ATP6V1E2: variants seen among roughly 807,000 people sequenced by gnomAD.
The protein encoded by ATP6V1E2 is ATPase H+ transporting V1 subunit E2, also known as V-type proton ATPase subunit E 2.
For synonymous variants in ATP6V1E2, 121 were observed against 104.2 expected, an observed-to-expected ratio of 1.16 and a Z score of -0.98; for missense variants, 308 against 273.3, an observed-to-expected ratio of 1.13 and a Z score of -0.90.
intron 4 of ATP6V1E2, among the ~76,000 whole-genome samples, chr2:46,523,010 T>C (rs1490374844): frequency 1.3e-5 from 2 of 152,258 alleles, no homozygotes; most frequent in Non-Finnish European, 2.9e-5. Context: ...CAGCTTTTTT[T>C]CATATGTTCA....
intron 2 of ATP6V1E2, chr2:46,537,615 C>T (rs1377310159): frequency 6.6e-6 from 1 of 151,746 alleles, no homozygotes; most frequent in African/African-American, 2.4e-5. Flanking sequence ...GAGTTCTGAT[C>T]AATTCATGCC....
rs553533018 is a variant in ATP6V1E2, at chr2:46,522,126, A to G, written c.-101-9314T>C. Among the ~76,000 whole-genome samples the G allele has an allele frequency of 4.0e-5, 6 of 151,842 alleles. No individual in the cohort carries two copies. In the South Asian group the frequency reaches 1.3e-3, roughly 32 times the overall value. ...ATCACAGTGGGACCACATCTCTACA[A>G]ATTTTTTTTTTTAATTAGCCAGGAA... On this transcript the variant is annotated intron_variant, in intron 4 of 4. Transcript: ENST00000522587.
Position 46,512,086 on chromosome 2 carries a change from G to A in ATP6V1E2, c.626C>T (p.Pro209Leu). The change falls in exon 5 of 5, where the codon CCA becomes CTA. Residue 209 changes from proline to leucine, a missense_variant. Coordinates refer to ENST00000522587, the MANE Select transcript of ATP6V1E2 (RefSeq NM_001318063.2). The stretch of plus-strand genomic sequence containing the variant: ...ACCAAACAAGGCCATTCGTATTTCT[G>A]GCATCTTTTGCTTGGCTGAGAGATC... The part of the protein sequence containing the change: ...RLDLSAKQKM[P>L]EIRMALFGAN... The A allele has an allele frequency of 6.2e-7, 1 of 1,613,376 alleles. No homozygotes were observed. The highest frequency in any genetic ancestry group is 8.5e-7 in the Non-Finnish European group (1 of 1,179,698).
intron 4 of ATP6V1E2, among the ~76,000 whole-genome samples, chr2:46,522,293 A>C (rs1238762479): frequency 6.6e-6 from 1 of 151,474 alleles, no homozygotes; most frequent in East Asian, 1.9e-4. Flanking sequence ...CCAAAAAAAA[A>C]AAAAGGATAA....
intron 4 of ATP6V1E2, among the ~76,000 whole-genome samples, chr2:46,521,982 G>A (rs374547436): frequency 3.9e-4 from 60 of 152,280 alleles, no homozygotes; most frequent in African/African-American, 1.3e-3. Context: ...GAGCCACTGC[G>A]CCAGGCCCTG....
intron 4 of ATP6V1E2, chr2:46,519,753 A>G (rs1666507808): frequency 6.6e-6 from 1 of 152,248 alleles, no homozygotes; most frequent in African/African-American, 2.4e-5. Context: ...CATGTCTGGT[A>G]GTTATTATTA....
At chr2:46,518,555 C>G (rs1294596284) in intron 4 of ATP6V1E2, among the ~76,000 whole-genome samples, 1 of 148,274 alleles carries the variant, frequency 6.7e-6, no homozygotes, top group African/African-American at 2.5e-5. Context: ...GTACCACTTC[C>G]CAAGCTTGGT....
In ATP6V1E2 at chr2:46,525,469, AAAAAAAAG is replaced by A. The variant is rs1228688814; in HGVS notation, c.-102+10336_-102+10343del. ...AGAACGAGACTCCGTCTCAAAAAAA[AAAAAAAAG>A]AAAAAAAAAAAAGAAAGCAGGGACA... On this transcript the variant is annotated intron_variant, in intron 4 of 4. Coordinates refer to ENST00000522587, the MANE Select transcript of ATP6V1E2 (RefSeq NM_001318063.2). 8.0e-5 allele frequency among the ~76,000 whole-genome samples: 10 copies of A among 124,900 alleles called. 1 individual carries two copies. The highest frequency in any genetic ancestry group is 1.8e-4 in the African/African-American group (6 of 32,982). 81.9% of individuals were successfully genotyped at this position (124,900 alleles called of 152,430 possible).
intron 4 of ATP6V1E2, among the ~76,000 whole-genome samples, chr2:46,515,037 T>C (rs1442838275): frequency 6.6e-6 from 1 of 151,938 alleles, no homozygotes; most frequent in Non-Finnish European, 1.5e-5. Flanking sequence ...TTGGAAAAAC[T>C]GTCCTACAAA....
chr2:46,535,117 G>A lies in ATP6V1E2; in HGVS notation c.-102+696C>T, dbSNP rs1558669673. The A allele has an allele frequency of 6.6e-6, 1 of 152,232 alleles. No homozygotes were observed. Among genetic ancestry groups the A allele is most frequent in the Non-Finnish European group, 1.5e-5 (1 of 68,044 alleles). 9.4% of individuals were successfully genotyped at this position (152,232 alleles called of 1,614,324 possible). On this transcript the variant is annotated intron_variant, in intron 4 of 4. Coordinates refer to ENST00000522587, the MANE Select transcript of ATP6V1E2 (RefSeq NM_001318063.2). The surrounding 1 kb of genome is among the most constrained non-coding windows in gnomAD (Gnocchi z 4.4). ...GCAATTTAGACAGCATTTTTCAGCA[G>A]AAAGTTAGAGTGATAGGGTTTGCCC...
At chr2:46,534,622 T>G (rs1667349407) in intron 4 of ATP6V1E2, 1 of 152,228 alleles carries the variant, frequency 6.6e-6, no homozygotes, top group African/African-American at 2.4e-5. Context: ...CTGTATTTTG[T>G]TGTTTTAAAA....
chr2:46,524,927 G>C (rs536996393), intron 4 of ATP6V1E2, among the ~76,000 whole-genome samples: 19 of 152,278 alleles, frequency 1.2e-4, no homozygotes, highest in Middle Eastern at 3.4e-3. Flanking sequence ...CCCATCAAAG[G>C]CTTCTTAGCA....
chr2:46,515,954 AGAG>A (rs1366089436), intron 4 of ATP6V1E2, among the ~76,000 whole-genome samples: 1 of 152,216 alleles, frequency 6.6e-6, no homozygotes, highest in African/African-American at 2.4e-5. Flanking sequence ...TAATGATAAA[AGAG>A]TCAATTCACC....
intron 4 of ATP6V1E2, among the ~76,000 whole-genome samples, chr2:46,515,741 A>T (rs954220609): frequency 6.6e-6 from 1 of 152,236 alleles, no homozygotes; most frequent in Non-Finnish European, 1.5e-5. Flanking sequence ...GGCTGAATGG[A>T]TTAACAAAAA....
At chr2:46,515,657 ACAGT>A (rs1687681747) in intron 4 of ATP6V1E2, among the ~76,000 whole-genome samples, 3 of 152,326 alleles carry the variant, frequency 2.0e-5, no homozygotes, top group Admixed American at 2.0e-4. Flanking sequence ...ACAAATAGCA[ACAGT>A]CAGTCTTTCT....
intron 4 of ATP6V1E2, among the ~76,000 whole-genome samples, 162 bp from the exon 5 acceptor site, chr2:46,512,974 A>G (rs1572695674): frequency 6.6e-6 from 1 of 152,348 alleles, no homozygotes; most frequent in East Asian, 1.9e-4. Flanking sequence ...GACTTGAACC[A>G]GGATCTCCAG....
chr2:46,529,953 CAG>C (rs1159741764), intron 4 of ATP6V1E2, among the ~76,000 whole-genome samples: 2 of 152,070 alleles, frequency 1.3e-5, no homozygotes, highest in African/African-American at 4.8e-5. Context: ...TCAGGGCACT[CAG>C]GGAGCTCAGG....
intron 4 of ATP6V1E2, among the ~76,000 whole-genome samples, chr2:46,513,948 C>G (rs935127405): frequency 1.3e-5 from 2 of 152,060 alleles, no homozygotes; most frequent in African/African-American, 4.8e-5. Context: ...GAAGTGGTTC[C>G]AAACCCGGAT....
intron 2 of ATP6V1E2, among the ~76,000 whole-genome samples, chr2:46,538,296 G>T (rs1471656164): frequency 6.6e-6 from 1 of 152,104 alleles, no homozygotes; most frequent in Non-Finnish European, 1.5e-5. Context: ...AAAAACTTTT[G>T]ATACCTTGTC....
Sources: allele counts gnomAD v4.1 joint callset (sites outside exome capture counted in the v4.1 genomes callset), GRCh38; gene constraint gnomAD v4.1.1; non-coding constraint Gnocchi (gnomAD v3.1); transcripts MANE v1.5; gene names NCBI Gene and HGNC (gene_info 2026-07-23, HGNC 2026-07-21).